The following SUSD5 variants were observed in gnomAD, a reference collection of about 807,000 sequenced individuals.
SUSD5 encodes the protein sushi domain-containing protein 5.
A neutral mutation model predicts 29.5 loss-of-function variants in SUSD5; 33 were observed. The ratio of observed to expected loss-of-function variants is 1.12; its 90% CI spans 0.85 to 1.49. SUSD5 has a LOEUF of 1.49. Ranked by LOEUF, SUSD5 falls within the 40% of genes most tolerant of loss-of-function variation. The pLI is 0.00. For synonymous variants in SUSD5, 308 were observed against 325.3 expected, an observed-to-expected ratio of 0.95 and a Z score of 0.57; for missense variants, 776 against 800.6, an observed-to-expected ratio of 0.97 and a Z score of 0.37.
At chr3:33,208,409 T>TC (rs1411402313) in intron 2 of SUSD5, among the ~76,000 whole-genome samples, 1 of 152,150 alleles carries the variant, frequency 6.6e-6, no homozygotes, top group Non-Finnish European at 1.5e-5. Flanking sequence ...ATAATTTTTT[T>TC]CCCATAATTT....
intron 3 of SUSD5, among the ~76,000 whole-genome samples, chr3:33,205,357 A>AT (rs2032199189): frequency 6.6e-6 from 1 of 152,052 alleles, no homozygotes; most frequent in African/African-American, 2.4e-5. Flanking sequence ...TATTCTTGAC[A>AT]TTTTTTTAAA....
intron 1 of SUSD5, among the ~76,000 whole-genome samples, chr3:33,216,629 TGCC>T (rs2032432215): frequency 6.6e-6 from 1 of 152,242 alleles, no homozygotes. Flanking sequence ...CTTAGGATTC[TGCC>T]CACGCACATG....
chr3:33,177,434 G>A (rs1056639558), intron 3 of SUSD5, among the ~76,000 whole-genome samples: 2 of 152,182 alleles, frequency 1.3e-5, no homozygotes, highest in African/African-American at 4.8e-5. Context: ...GATCTTGTAC[G>A]TAATTTGTTA....
At chr3:33,207,347 A>T (rs2032240976) in intron 3 of SUSD5, among the ~76,000 whole-genome samples, 2 of 152,192 alleles carry the variant, frequency 1.3e-5, no homozygotes, top group South Asian at 4.1e-4. Context: ...GACTCCTGGT[A>T]GGCACCTTTG....
intron 4 of SUSD5, among the ~76,000 whole-genome samples, chr3:33,157,109 C>T (rs945313282): frequency 2.0e-5 from 3 of 152,172 alleles, no homozygotes; most frequent in Non-Finnish European, 4.4e-5. Context: ...TTCACATTCC[C>T]TGTTATATCC....
intron 4 of SUSD5, among the ~76,000 whole-genome samples, chr3:33,166,007 C>G (rs865775242): frequency 1.2e-4 from 13 of 108,328 alleles, no homozygotes; most frequent in Admixed American, 2.7e-4. Context: ...TGAGACCCCC[C>G]TCTCCAAAAA....
At chr3:33,207,081 C>T (rs1449079802) in intron 3 of SUSD5, among the ~76,000 whole-genome samples, 2 of 152,212 alleles carry the variant, frequency 1.3e-5, no homozygotes, top group Admixed American at 6.5e-5. Flanking sequence ...ATACAAAATG[C>T]TGCCCTTGAG....
intron 3 of SUSD5, among the ~76,000 whole-genome samples, chr3:33,206,647 T>C (rs1429783041): frequency 1.3e-5 from 2 of 152,094 alleles, no homozygotes; most frequent in Admixed American, 6.5e-5. Context: ...GGGTTCACCA[T>C]GACTCTTACT....
At chr3:33,163,501 AAATT>A (rs1297028105) in intron 4 of SUSD5, among the ~76,000 whole-genome samples, 1 of 152,206 alleles carries the variant, frequency 6.6e-6, no homozygotes, top group Non-Finnish European at 1.5e-5. Context: ...AAACCCTTAG[AAATT>A]AGGAATATGA....
At chr3:33,190,633 A>G (rs1485595315) in intron 3 of SUSD5, among the ~76,000 whole-genome samples, 2 of 152,202 alleles carry the variant, frequency 1.3e-5, no homozygotes, top group African/African-American at 4.8e-5. Context: ...GGAGTTCAGG[A>G]AATGCCACCC....
chr3:33,154,081 C>A (rs755685668), intron 4 of SUSD5, 48 bp from the exon 5 acceptor site: 6 of 1,445,226 alleles, frequency 4.2e-6, no homozygotes, highest in Non-Finnish European at 4.6e-6. Flanking sequence ...AGGCACAGAG[C>A]CAGTATAGAA....
intron 2 of SUSD5, among the ~76,000 whole-genome samples, chr3:33,210,118 ATTGT>A (rs1158982353): frequency 1.3e-5 from 2 of 152,174 alleles, no homozygotes; most frequent in African/African-American, 4.8e-5. Flanking sequence ...CATTGGCTAA[ATTGT>A]TTGTTGAAAT....
chr3:33,168,581 C>T, intron 4 of SUSD5: 4 of 985,474 alleles, frequency 4.1e-6, no homozygotes, highest in Non-Finnish European at 4.8e-6. Context: ...TTCTCCTCCC[C>T]ATCTCAGGGC....
rs932319716 is a variant in SUSD5, at chr3:33,152,305, A to G, written c.*437T>C. On this transcript the variant is annotated 3_prime_UTR_variant, in exon 5 of 5. Transcript: ENST00000309558. Reference sequence around the variant, plus strand: ...CATGGTGGTGCATGCCTGTAATCCCACCTACTTGGGAGGCTGAGGCAGGAG... The same window carrying G: ...CATGGTGGTGCATGCCTGTAATCCCGCCTACTTGGGAGGCTGAGGCAGGAG... 2 of 159,286 alleles carry G rather than the reference A, an allele frequency of 1.3e-5. No individual in the cohort carries two copies. Among genetic ancestry groups the G allele is most frequent in the African/African-American group, 4.8e-5 (2 of 41,470 alleles). 9.9% of individuals were successfully genotyped at this position (159,286 alleles called of 1,614,324 possible).
chr3:33,183,558 C>G (rs2031715550), intron 3 of SUSD5, among the ~76,000 whole-genome samples: 1 of 152,102 alleles, frequency 6.6e-6, no homozygotes, highest in African/African-American at 2.4e-5. Context: ...TTCCTCCTGC[C>G]CCCTGTATCA....
chr3:33,152,944 A>C lies in SUSD5; in HGVS notation c.1688T>G (p.Val563Gly), dbSNP rs1481226755. The C allele has an allele frequency of 8.1e-6, 13 of 1,613,862 alleles. No homozygotes were observed. The highest frequency in any genetic ancestry group is 1.1e-5 in the Non-Finnish European group (13 of 1,179,876). Residue 563 changes from valine (V) to glycine (G), a missense_variant, in exon 5 of 5, where the codon GTG becomes GGG. Coordinates refer to ENST00000309558, the MANE Select transcript of SUSD5 (RefSeq NM_015551.2). ...EELHPTLESC[V>G]GDGCPGLSRG... ...GCTGAGGCCAGGACATCCGTCCCCC[A>C]CACACGACTCCAAGGTGGGATGAAG...
intron 3 of SUSD5, among the ~76,000 whole-genome samples, chr3:33,179,904 A>G (rs1053316736): frequency 6.6e-6 from 1 of 152,174 alleles, no homozygotes. Flanking sequence ...AATTTTTATC[A>G]CCTAGTGATG....
chr3:33,177,047 T>C (rs1398125544), intron 3 of SUSD5, among the ~76,000 whole-genome samples: 1 of 152,214 alleles, frequency 6.6e-6, no homozygotes, highest in African/African-American at 2.4e-5. Flanking sequence ...TTTGTTTTTC[T>C]CCTTCAATAT....
rs112566736 is a variant in SUSD5 at position 33,152,239 on chromosome 3, GA to G, written c.*502del. The G allele has an allele frequency of 0.31, 47,325 of 153,158 alleles. 8,439 individuals are homozygous for G. The highest frequency in any genetic ancestry group is 0.41 in the Middle Eastern group (120 of 294). 9.5% of individuals were successfully genotyped at this position (153,158 alleles called of 1,614,324 possible). Reference sequence around the variant, plus strand: ...TCTTGACCAGCCTGGCCAACATGGTGAAACTCCATCTCTACTAAAAATATAA... The same window carrying G: ...TCTTGACCAGCCTGGCCAACATGGTGAACTCCATCTCTACTAAAAATATAA... On this transcript the variant is annotated 3_prime_UTR_variant, in exon 5 of 5. Coordinates refer to ENST00000309558, the MANE Select transcript of SUSD5 (RefSeq NM_015551.2).
Sources: allele counts gnomAD v4.1 joint callset (sites outside exome capture counted in the v4.1 genomes callset), GRCh38; gene constraint gnomAD v4.1.1; transcripts MANE v1.5; gene names NCBI Gene and HGNC (gene_info 2026-07-23, HGNC 2026-07-21).